Variants in AKAP13 observed in about 807,000 individuals in gnomAD.
The protein encoded by AKAP13 is A-kinase anchoring protein 13, also known as A-kinase anchor protein 13.
Under a neutral mutation model 264.5 loss-of-function variants are expected in AKAP13, and 80 were observed. The ratio of observed to expected loss-of-function variants is 0.30; its 90% CI spans 0.25 to 0.36. AKAP13 has a LOEUF of 0.36. Among genes scored for constraint, AKAP13 ranks in the 10% least tolerant of loss-of-function variants. The probability of loss-of-function intolerance (pLI) is 1.00; values close to 1 mark genes in which losing one functional copy is unlikely to be tolerated. For missense variants in AKAP13, 3,712 were observed against 3,435.2 expected, an observed-to-expected ratio of 1.08 and a Z score of -2.01; for synonymous variants, 1,380 against 1,250.2, an observed-to-expected ratio of 1.10 and a Z score of -2.19.
Position 85,718,736 on chromosome 15 carries a change from T to TA in AKAP13, c.6002-334dup. 3 of 277,650 alleles carry TA rather than the reference T, an allele frequency of 1.1e-5. No homozygotes were observed. Among genetic ancestry groups the TA allele is most frequent in the East Asian group, 9.9e-5 (1 of 10,134 alleles). The allele number at this position is 277,650 out of a possible 1,614,324, so 17.2% of individuals were successfully genotyped here. A position where few individuals can be genotyped will look rare whatever the true frequency, so the allele number is the denominator to read the frequency against. ...GGAACATAGTGAAACCCCATTTCTATAAAAAATACAAAAATCAGCCAGGCG... is the reference window on the plus strand; with the variant it reads ...GGAACATAGTGAAACCCCATTTCTATAAAAAAATACAAAAATCAGCCAGGCG... On this transcript the variant is annotated intron_variant, in intron 22 of 36. Coordinates refer to ENST00000394518, the MANE Select transcript of AKAP13 (RefSeq NM_007200.5). The surrounding 1 kb of genome is among the most constrained non-coding windows in gnomAD (Gnocchi z 4.9).
chr15:85,681,866 GC>G (rs1367907853), intron 14 of AKAP13, among the ~76,000 whole-genome samples: 98 of 152,192 alleles, frequency 6.4e-4, no homozygotes, highest in Non-Finnish European at 7.1e-4. Flanking sequence ...AATTAAACAT[GC>G]TTCATATGTG....
chr15:85,686,164 T>TGCAC (rs1319328700), intron 16 of AKAP13, among the ~76,000 whole-genome samples: 1 of 132,110 alleles, frequency 7.6e-6, no homozygotes, highest in African/African-American at 3.0e-5. Flanking sequence ...TGTGTGTGTG[T>TGCAC]GTATGTGTGT....
chr15:85,410,499 A>T (rs183098892), intron 1 of AKAP13, among the ~76,000 whole-genome samples: 26 of 147,720 alleles, frequency 1.8e-4, no homozygotes, highest in Non-Finnish European at 2.8e-4. Flanking sequence ...TGGCAGTCCA[A>T]CTCCTTCTAC....
At chr15:85,518,358 T>C (rs1299230016) in intron 2 of AKAP13, among the ~76,000 whole-genome samples, 2 of 152,240 alleles carry the variant, frequency 1.3e-5, no homozygotes, top group East Asian at 3.8e-4. Context: ...TCAGTGACTT[T>C]ATCAGTGTGC....
chr15:85,711,445 A>G (rs1698386178), intron 19 of AKAP13, among the ~76,000 whole-genome samples: 1 of 152,218 alleles, frequency 6.6e-6, no homozygotes, highest in South Asian at 2.1e-4. Context: ...ATACTTTGAA[A>G]AAAATGTATT....
intron 8 of AKAP13, among the ~76,000 whole-genome samples, chr15:85,610,315 C>T (rs1464371452): frequency 6.6e-6 from 1 of 152,064 alleles, no homozygotes; most frequent in Non-Finnish European, 1.5e-5. Context: ...CTTCTTTTTC[C>T]ATTTCCTTTC....
At chr15:85,461,825 T>C (rs1039272295) in intron 1 of AKAP13, among the ~76,000 whole-genome samples, 1 of 152,200 alleles carries the variant, frequency 6.6e-6, no homozygotes, top group African/African-American at 2.4e-5. Flanking sequence ...AAAGCTAAGA[T>C]GTTGGGAGTT....
intron 2 of AKAP13, among the ~76,000 whole-genome samples, chr15:85,491,928 A>G (rs2075741514): frequency 3.9e-5 from 6 of 152,202 alleles, no homozygotes; most frequent in Admixed American, 2.6e-4. Context: ...GAGCAGAGAA[A>G]GCTGCATCGT....
rs569993648 is a variant in AKAP13 at position 85,746,033 on chromosome 15, A to G, written c.*1356A>G. ...CCAGCTGGTGTGTGCAGGACAGTTC[A>G]TGGTAATGTTGCCCTCTGAGGCCCC... On this transcript the variant is annotated 3_prime_UTR_variant, in exon 37 of 37. Coordinates refer to ENST00000394518, the MANE Select transcript of AKAP13 (RefSeq NM_007200.5). 1 of 152,392 alleles carries G rather than the reference A, an allele frequency of 6.6e-6. No individual in the cohort carries two copies. Among genetic ancestry groups the G allele is most frequent in the Non-Finnish European group, 1.5e-5 (1 of 68,044 alleles). The allele number at this position is 152,392 out of a possible 1,614,324, so 9.4% of individuals were successfully genotyped here.
intron 12 of AKAP13, among the ~76,000 whole-genome samples, chr15:85,660,081 G>T (rs954112491): frequency 1.3e-5 from 2 of 152,088 alleles, no homozygotes; most frequent in Non-Finnish European, 2.9e-5. Flanking sequence ...GGCCGAGCAC[G>T]GTGGCTCACG....
chr15:85,628,858 A>G (rs1016034637), intron 8 of AKAP13, among the ~76,000 whole-genome samples: 19 of 152,162 alleles, frequency 1.2e-4, no homozygotes, highest in African/African-American at 4.6e-4. Flanking sequence ...ATTTAATACT[A>G]AAAAATTGTA....
chr15:85,634,671 C>T (rs1324874008), intron 8 of AKAP13, among the ~76,000 whole-genome samples: 1 of 152,094 alleles, frequency 6.6e-6, no homozygotes, highest in African/African-American at 2.4e-5. Flanking sequence ...ATCACTACCG[C>T]ATCATAATAG....
chr15:85,579,583 G>A lies in AKAP13; in HGVS notation c.1515G>A (p.Lys505=), dbSNP rs1290627781. The stretch of plus-strand genomic sequence containing the variant: ...TGCTTCAGGGAGGGGAAAGTACAAA[G>A]GAAAGATTTGAGAACTCTAATATTG... ...KNVLQGGEST[K]ERFENSNIGT... Residue 505 remains lysine (K), a synonymous_variant, in exon 7 of 37, where the codon AAG becomes AAA. Transcript: ENST00000394518. 1.2e-6 allele frequency: 2 copies of A among 1,614,210 alleles called. No homozygotes were observed. Among genetic ancestry groups the A allele is most frequent in the East Asian group, 4.5e-5 (2 of 44,888 alleles).
At chr15:85,447,243 G>C (rs917750066) in intron 1 of AKAP13, among the ~76,000 whole-genome samples, 4 of 152,064 alleles carry the variant, frequency 2.6e-5, no homozygotes, top group African/African-American at 9.7e-5. Flanking sequence ...TTCCAGCCTG[G>C]TGACAGAGTG....
At chr15:85,444,361 T>C (rs1292432807) in intron 1 of AKAP13, among the ~76,000 whole-genome samples, 5 of 152,096 alleles carry the variant, frequency 3.3e-5, no homozygotes, top group African/African-American at 1.2e-4. Context: ...CCTTAGTACA[T>C]TTGGACTAGT....
At chr15:85,584,413 G>A (rs1430919058) in intron 7 of AKAP13, among the ~76,000 whole-genome samples, 1 of 151,726 alleles carries the variant, frequency 6.6e-6, no homozygotes, top group East Asian at 1.9e-4. Flanking sequence ...AAGGAAGGAG[G>A]TACCAAAAAT....
intron 23 of AKAP13, among the ~76,000 whole-genome samples, chr15:85,720,848 A>G (rs535807033): frequency 6.6e-6 from 1 of 152,358 alleles, no homozygotes; most frequent in East Asian, 1.9e-4. Context: ...TAGAACTACA[A>G]AGGGGGATAT....
At chr15:85,424,119 C>T (rs2072654246) in intron 1 of AKAP13, among the ~76,000 whole-genome samples, 1 of 152,214 alleles carries the variant, frequency 6.6e-6, no homozygotes, top group Non-Finnish European at 1.5e-5. Context: ...TTGGCTTCAA[C>T]TTAAAGTCAT....
At chr15:85,455,652 A>C (rs1447076326) in intron 1 of AKAP13, among the ~76,000 whole-genome samples, 2 of 151,984 alleles carry the variant, frequency 1.3e-5, no homozygotes, top group Admixed American at 1.3e-4. Flanking sequence ...TGGATGATAA[A>C]ATTTATTTTA....
Sources: gnomAD v4.1 joint callset for allele counts (sites outside exome capture counted in the v4.1 genomes callset) on GRCh38, gnomAD v4.1.1 for gene constraint, Gnocchi (gnomAD v3.1) non-coding constraint, MANE v1.5 for transcripts, NCBI Gene and HGNC (gene_info 2026-07-23, HGNC 2026-07-21) for gene names.